VSNL1: variants seen among roughly 807,000 people sequenced by gnomAD.
VSNL1 encodes visinin-like protein 1.
Under a neutral mutation model 20.4 loss-of-function variants are expected in VSNL1, and 6 were observed. The ratio of observed to expected loss-of-function variants is 0.29; its 90% CI spans 0.16 to 0.58. VSNL1 has a LOEUF of 0.58. VSNL1 is among the 20% of genes least tolerant of loss of function. The pLI is 0.90. For missense variants in VSNL1, 100 were observed against 234.5 expected, an observed-to-expected ratio of 0.43 and a Z score of 3.75; for synonymous variants, 93 against 86.4, an observed-to-expected ratio of 1.08 and a Z score of -0.42.
chr2:17,591,544 TG>T (rs1416646387), intron 1 of VSNL1, among the ~76,000 whole-genome samples: 1 of 152,114 alleles, frequency 6.6e-6, no homozygotes, highest in Non-Finnish European at 1.5e-5. Flanking sequence ...CTGTTTTTAT[TG>T]GGGAAAAAAG....
intron 1 of VSNL1, among the ~76,000 whole-genome samples, chr2:17,552,725 A>AT (rs1167010594): frequency 3.3e-5 from 5 of 151,950 alleles, no homozygotes; most frequent in South Asian, 4.2e-4. Flanking sequence ...TCTCCTAAGT[A>AT]TTTTTTTTAA....
At chr2:17,560,319 A>G (rs1157321926) in intron 1 of VSNL1, among the ~76,000 whole-genome samples, 2 of 151,958 alleles carry the variant, frequency 1.3e-5, no homozygotes, top group Non-Finnish European at 2.9e-5. Flanking sequence ...TCTCAAGATT[A>G]GAGGTATTTA....
chr2:17,588,270 C>T (rs1664523133), intron 1 of VSNL1, among the ~76,000 whole-genome samples: 1 of 152,126 alleles, frequency 6.6e-6, no homozygotes, highest in South Asian at 2.1e-4. Context: ...GGAGGTCTGA[C>T]TCATATTTTC....
intron 2 of VSNL1, among the ~76,000 whole-genome samples, chr2:17,602,989 T>C (rs1664866130): frequency 6.6e-6 from 1 of 152,100 alleles, no homozygotes; most frequent in South Asian, 2.1e-4. Context: ...TCTGTGTAAA[T>C]AGCTAGAAGA....
intron 1 of VSNL1, among the ~76,000 whole-genome samples, chr2:17,570,669 C>T (rs1664058819): frequency 6.6e-6 from 1 of 152,160 alleles, no homozygotes; most frequent in African/African-American, 2.4e-5. Flanking sequence ...TCTAATTTTA[C>T]AAATGCCCTT....
Position 17,599,855 on chromosome 2 carries a change from G to T in VSNL1, c.162+7619G>T, listed in dbSNP as rs556506035. On this transcript the variant is annotated intron_variant, in intron 2 of 3. Transcript: ENST00000295156. ...TTCTTGCCACCTTTTCATGCTTCCT[G>T]TGTCCTGGGAGTCACATTCAGGAGC... Among the ~76,000 whole-genome samples the T allele has an allele frequency of 2.0e-5, 3 of 152,310 alleles. No homozygotes were observed. The East Asian group carries it at 5.8e-4, about 29-fold the overall frequency.
chr2:17,587,588 G>A (rs16983679), intron 1 of VSNL1, among the ~76,000 whole-genome samples: 4 of 152,122 alleles, frequency 2.6e-5, no homozygotes, highest in Admixed American at 2.6e-4. Context: ...AAATGGATGA[G>A]AGATGAGCGA....
At chr2:17,619,958 A>C (rs529697852) in intron 2 of VSNL1, among the ~76,000 whole-genome samples, 19 of 151,942 alleles carry the variant, frequency 1.3e-4, no homozygotes, top group Middle Eastern at 3.4e-3. Flanking sequence ...AGTCATGCCC[A>C]GGGTCTTGAG....
At chr2:17,592,310 T>G (rs1053648668) in intron 2 of VSNL1, 74 bp downstream of exon 2, 6 of 1,491,416 alleles carry the variant, frequency 4.0e-6, no homozygotes, top group Non-Finnish European at 5.5e-6. Flanking sequence ...TACCCTCACA[T>G]GGAATTATAA....
At chr2:17,562,083 A>G (rs544087462) in intron 1 of VSNL1, among the ~76,000 whole-genome samples, 1 of 152,202 alleles carries the variant, frequency 6.6e-6, no homozygotes, top group African/African-American at 2.4e-5. Context: ...AAGTGTTCCC[A>G]ATCTTTTTCA....
chr2:17,648,991 G>A (rs868436164), intron 2 of VSNL1, among the ~76,000 whole-genome samples: 89 of 152,296 alleles, frequency 5.8e-4, no homozygotes, highest in African/African-American at 2.1e-3. Context: ...TGGCCCTACT[G>A]GGCAGCGATG....
chr2:17,610,543 C>T (rs1665060063), intron 2 of VSNL1, among the ~76,000 whole-genome samples: 1 of 152,064 alleles, frequency 6.6e-6, no homozygotes, highest in Non-Finnish European at 1.5e-5. Context: ...AGATTTATTT[C>T]TTCCCAGTCC....
chr2:17,576,722 G>A (rs901484979), intron 1 of VSNL1, among the ~76,000 whole-genome samples: 4 of 151,958 alleles, frequency 2.6e-5, no homozygotes, highest in Non-Finnish European at 4.4e-5. Flanking sequence ...TCTTTATGTA[G>A]TTATATCTAT....
At chr2:17,603,027 A>C (rs909615632) in intron 2 of VSNL1, among the ~76,000 whole-genome samples, 2 of 152,180 alleles carry the variant, frequency 1.3e-5, no homozygotes, top group African/African-American at 4.8e-5. Context: ...GCCCCAACAT[A>C]GGTGCAGATT....
chr2:17,543,125 C>T (rs1663328159), intron 1 of VSNL1, among the ~76,000 whole-genome samples: 1 of 152,162 alleles, frequency 6.6e-6, no homozygotes, highest in Non-Finnish European at 1.5e-5. Flanking sequence ...TTCCTTGCCT[C>T]TCTTTGTCTT....
intron 2 of VSNL1, among the ~76,000 whole-genome samples, chr2:17,630,769 G>A (rs1263392894): frequency 6.6e-6 from 1 of 152,080 alleles, no homozygotes; most frequent in Non-Finnish European, 1.5e-5. Flanking sequence ...GGGCAAAACG[G>A]CATTTTATTT....
chr2:17,630,464 G>A (rs534899266), intron 2 of VSNL1, among the ~76,000 whole-genome samples: 2 of 152,362 alleles, frequency 1.3e-5, no homozygotes, highest in East Asian at 3.9e-4. Flanking sequence ...GTGCTGCAAA[G>A]ATGCCAGCTC....
chr2:17,573,532 A>G (rs1664129886), intron 1 of VSNL1, among the ~76,000 whole-genome samples: 1 of 152,196 alleles, frequency 6.6e-6, no homozygotes, highest in Non-Finnish European at 1.5e-5. Context: ...TAGAAATTAG[A>G]ATTTCTGATT....
At chr2:17,602,203 G>A (rs1407272954) in intron 2 of VSNL1, among the ~76,000 whole-genome samples, 1 of 152,204 alleles carries the variant, frequency 6.6e-6, no homozygotes, top group African/African-American at 2.4e-5. Context: ...AAGGCTTTCT[G>A]TCTTACTGAT....
Sources: gnomAD v4.1 joint callset for allele counts (sites outside exome capture counted in the v4.1 genomes callset) on GRCh38, gnomAD v4.1.1 for gene constraint, MANE v1.5 for transcripts, NCBI Gene and HGNC (gene_info 2026-07-23, HGNC 2026-07-21) for gene names.